The following NFIA variants were observed in gnomAD, a reference collection of about 807,000 sequenced individuals.
The protein encoded by NFIA is nuclear factor I A.
NFIA carries 8 observed loss-of-function variants against 62.8 expected under a neutral mutation model. That is an observed-to-expected ratio of 0.13 (90% CI 0.07 to 0.23). The LOEUF (loss-of-function observed/expected upper bound fraction) is 0.23, where lower values mean the gene tolerates loss of function less well. NFIA is among the 10% of genes least tolerant of loss of function. The pLI is 1.00. For missense variants in NFIA, 410 were observed against 642.1 expected (o/e 0.64, Z 3.91); for synonymous variants, 235 against 238.1 (o/e 0.99, Z 0.12).
chr1:61,219,157 A>G (rs1653841282), intron 2 of NFIA, among the ~76,000 whole-genome samples: 1 of 151,244 alleles, frequency 6.6e-6, no homozygotes. Context: ...ACTTGAACCC[A>G]CAGGGCAGAG....
At chr1:61,202,990 A>G (rs1354783427) in intron 2 of NFIA, among the ~76,000 whole-genome samples, 4 of 152,224 alleles carry the variant, frequency 2.6e-5, no homozygotes, top group Non-Finnish European at 5.9e-5. Flanking sequence ...CATCCGTCCA[A>G]TTGTTGCTTC....
chr1:61,088,160 T>C lies in NFIA; in HGVS notation c.39T>C (p.His13=), dbSNP rs1646253258. 11 of 1,596,564 alleles carry C rather than the reference T, an allele frequency of 6.9e-6. No homozygotes were observed. The East Asian group carries it at 2.5e-4, about 36-fold the overall frequency. ...SPLCLTQDEF[H]PFIEALLPHV... ...GTTCATTTTCCTAGGATGAATTTCATCCTTTCATCGAAGCACTTCTGCCCC... is the reference window on the plus strand; with the variant it reads ...GTTCATTTTCCTAGGATGAATTTCACCCTTTCATCGAAGCACTTCTGCCCC... Residue 13 remains histidine, a synonymous_variant, in exon 2 of 11, where the codon CAT becomes CAC. Coordinates refer to ENST00000403491, the MANE Select transcript of NFIA (RefSeq NM_001134673.4). This position sits in a 1 kb window ranked among gnomAD's most constrained non-coding sequence, Gnocchi z 4.5.
chr1:61,379,404 T>A (rs59654322), intron 6 of NFIA, among the ~76,000 whole-genome samples: 25,192 of 72,862 alleles, frequency 0.35, 1,906 homozygotes, highest in Non-Finnish European at 0.36. Flanking sequence ...TTCTTTTTCT[T>A]TTTTTTTTTT....
At chr1:61,274,278 C>T (rs1393317447) in intron 2 of NFIA, among the ~76,000 whole-genome samples, 2 of 152,134 alleles carry the variant, frequency 1.3e-5, no homozygotes, top group East Asian at 1.9e-4. Context: ...TAAATTTCTG[C>T]TCATAAATTT....
chr1:61,420,076 A>G (rs373900707), intron 9 of NFIA, among the ~76,000 whole-genome samples: 45 of 152,172 alleles, frequency 3.0e-4, no homozygotes, highest in Non-Finnish European at 4.3e-4. Flanking sequence ...GGGTTTCTAA[A>G]TCTCTGAATA....
At chr1:61,361,163 A>G (rs1050205197) in intron 6 of NFIA, among the ~76,000 whole-genome samples, 3 of 152,310 alleles carry the variant, frequency 2.0e-5, no homozygotes, top group Admixed American at 1.3e-4. Flanking sequence ...ACAGCACTCA[A>G]GGTGTGGTGG....
intron 10 of NFIA, among the ~76,000 whole-genome samples, chr1:61,441,687 G>A (rs1291261115): frequency 1.3e-5 from 2 of 152,156 alleles, no homozygotes; most frequent in African/African-American, 4.8e-5. Flanking sequence ...TGATAATGAA[G>A]TAGTGAGAGG....
chr1:61,133,334 G>A (rs1647115415), intron 2 of NFIA, among the ~76,000 whole-genome samples: 2 of 151,540 alleles, frequency 1.3e-5, no homozygotes, highest in Admixed American at 1.3e-4. Context: ...ATTTATATGT[G>A]GTCTTAATTT....
chr1:61,078,607 AAAC>A (rs1366947828), upstream of NFIA, among the ~76,000 whole-genome samples: 1 of 152,226 alleles, frequency 6.6e-6, no homozygotes, highest in East Asian at 1.9e-4. Flanking sequence ...CTTGAACTCT[AAAC>A]AACAGTTTTA....
intron 2 of NFIA, among the ~76,000 whole-genome samples, chr1:61,133,381 G>T (rs931514514): frequency 6.6e-6 from 1 of 151,928 alleles, no homozygotes; most frequent in Non-Finnish European, 1.5e-5. Context: ...ATAGAAAAGT[G>T]TATGAAAAGC....
intron 2 of NFIA, among the ~76,000 whole-genome samples, chr1:61,151,510 C>T (rs1317779705): frequency 9.9e-5 from 15 of 151,448 alleles, no homozygotes; most frequent in East Asian, 9.7e-4. Context: ...TTGAGGAGGT[C>T]AGAGTCTTAG....
At chr1:61,157,001 G>A (rs1024359450) in intron 2 of NFIA, among the ~76,000 whole-genome samples, 1 of 152,278 alleles carries the variant, frequency 6.6e-6, no homozygotes, top group East Asian at 1.9e-4. Flanking sequence ...GTTCACTGTG[G>A]CCAGTGTGGT....
At chr1:61,344,669 G>T (rs1338151469) in intron 4 of NFIA, among the ~76,000 whole-genome samples, 2 of 152,168 alleles carry the variant, frequency 1.3e-5, no homozygotes, top group African/African-American at 4.8e-5. Context: ...CACTAAAAGT[G>T]CTCCATAAAT....
At chr1:61,424,420 G>T (rs950409429) in intron 9 of NFIA, among the ~76,000 whole-genome samples, 1 of 152,014 alleles carries the variant, frequency 6.6e-6, no homozygotes, top group Non-Finnish European at 1.5e-5. Flanking sequence ...AGTATGGTAA[G>T]AATGTCATAG....
chr1:61,118,896 A>G (rs1646839506), intron 2 of NFIA, among the ~76,000 whole-genome samples: 1 of 152,134 alleles, frequency 6.6e-6, no homozygotes, highest in African/African-American at 2.4e-5. Context: ...CAAGTGTGAA[A>G]CATAATTCAA....
chr1:61,435,946 A>G (rs1330651011), intron 10 of NFIA, among the ~76,000 whole-genome samples: 5 of 151,844 alleles, frequency 3.3e-5, no homozygotes, highest in Admixed American at 1.3e-4. Context: ...CACACTCCCT[A>G]TGTGTTTAGG....
At chr1:61,350,472 G>T (rs1407989271) in intron 4 of NFIA, among the ~76,000 whole-genome samples, 2 of 152,024 alleles carry the variant, frequency 1.3e-5, no homozygotes, top group African/African-American at 2.4e-5. Context: ...CTCTACAAAA[G>T]AAATTTTTAA....
intron 2 of NFIA, among the ~76,000 whole-genome samples, chr1:61,116,672 A>T (rs540611472): frequency 1.3e-5 from 2 of 152,246 alleles, no homozygotes; most frequent in Non-Finnish European, 2.9e-5. Context: ...ATCAACGATG[A>T]CTGCAGTGGG....
intron 2 of NFIA, among the ~76,000 whole-genome samples, chr1:61,148,698 C>T (rs938636942): frequency 6.6e-6 from 1 of 152,194 alleles, no homozygotes; most frequent in Non-Finnish European, 1.5e-5. Context: ...CATGATGCTA[C>T]AGTAACTGAA....
Sources: gnomAD v4.1 joint callset for allele counts (sites outside exome capture counted in the v4.1 genomes callset) on GRCh38, gnomAD v4.1.1 for gene constraint, Gnocchi (gnomAD v3.1) non-coding constraint, MANE v1.5 for transcripts, NCBI Gene and HGNC (gene_info 2026-07-23, HGNC 2026-07-21) for gene names.